The following PCDH11Y variants were observed in gnomAD, a reference collection of about 807,000 sequenced individuals.
PCDH11Y encodes the protein protocadherin 11 Y-linked.
For missense variants in PCDH11Y, 12 were observed against 224.8 expected (o/e 0.05, Z 6.05); for synonymous variants, 9 against 83.6 (o/e 0.11, Z 4.87).
intron 4 of PCDH11Y, among the ~76,000 whole-genome samples, chrY:5,712,101 C>A: frequency 9.4e-5 from 3 of 31,944 alleles, no homozygotes; most frequent in Non-Finnish European, 2.3e-4. Context: ...GAAACTTTAA[C>A]ATGTTTTAGG....
At chrY:5,697,745 C>A in intron 4 of PCDH11Y, among the ~76,000 whole-genome samples, 1 of 33,131 alleles carries the variant, frequency 3.0e-5, no homozygotes, top group Non-Finnish European at 7.4e-5. Context: ...GAATACACCA[C>A]TCTGGTGGGT....
At chrY:5,557,009 G>C in intron 3 of PCDH11Y, among the ~76,000 whole-genome samples, 1 of 33,003 alleles carries the variant, frequency 3.0e-5, no homozygotes, top group Admixed American at 2.7e-4. Flanking sequence ...TCTCTATCCT[G>C]TTTCATTAGT....
intron 1 of PCDH11Y, among the ~76,000 whole-genome samples, chrY:5,023,171 C>T (rs2052572784): frequency 3.0e-5 from 1 of 33,298 alleles, no homozygotes; most frequent in Non-Finnish European, 7.4e-5. Context: ...ATGAATTCAT[C>T]ATAGACTCCA....
chrY:5,283,535 G>T, intron 2 of PCDH11Y, among the ~76,000 whole-genome samples: 2 of 32,500 alleles, frequency 6.2e-5, no homozygotes, highest in East Asian at 1.6e-3. Context: ...TTGTTGCAGA[G>T]GTGAGGAAAT....
chrY:5,624,068 G>A, intron 4 of PCDH11Y, among the ~76,000 whole-genome samples: 1 of 32,787 alleles, frequency 3.0e-5, no homozygotes, highest in Non-Finnish European at 7.6e-5. Context: ...TAGTAATGTT[G>A]AGCAATTTTT....
chrY:5,509,381 T>A (rs2124688789), intron 3 of PCDH11Y, among the ~76,000 whole-genome samples: 1 of 28,106 alleles, frequency 3.6e-5, no homozygotes, highest in South Asian at 8.6e-4. Flanking sequence ...ACTGTAAACA[T>A]GCTGAATGAT....
intron 4 of PCDH11Y, among the ~76,000 whole-genome samples, chrY:5,588,674 T>A: frequency 3.0e-5 from 1 of 33,590 alleles, no homozygotes; most frequent in Non-Finnish European, 7.4e-5. Flanking sequence ...TCATGCCCTG[T>A]AAGGTTTCCA....
At chrY:5,546,726 T>C (rs2053413260) in intron 3 of PCDH11Y, among the ~76,000 whole-genome samples, 2 of 31,106 alleles carry the variant, frequency 6.4e-5, no homozygotes. Flanking sequence ...GTCAGTGTTA[T>C]GGGACTTGTA....
At chrY:5,296,002 C>T (rs2053074082) in intron 2 of PCDH11Y, among the ~76,000 whole-genome samples, 2 of 33,515 alleles carry the variant, frequency 6.0e-5, no homozygotes, top group Non-Finnish European at 1.5e-4. Flanking sequence ...TCTGAAACAT[C>T]ATATATCTCT....
chrY:5,373,123 C>CTTT (rs1486453545), intron 2 of PCDH11Y, among the ~76,000 whole-genome samples: 1 of 1,607 alleles, frequency 6.2e-4, no homozygotes, highest in Admixed American at 4.9e-3. Context: ...TCCCTCCCTC[C>CTTT]CTCCTTTCTT....
chrY:5,432,560 C>G (rs2124680738), intron 2 of PCDH11Y, among the ~76,000 whole-genome samples: 1 of 32,779 alleles, frequency 3.1e-5, no homozygotes, highest in South Asian at 6.8e-4. Flanking sequence ...CAGTTTTTCC[C>G]TCAAATTTTT....
In PCDH11Y at chrY:5,377,865, C is replaced by T; in HGVS notation, c.3130-123192C>T. On this transcript the variant is annotated intron_variant, in intron 2 of 4. Transcript: ENST00000400457. ...TCCCAGGTTCAAGTGCTTCTCCTGCCTCAGTCTCCCAAGTAGCTGGTATTA... is the reference window on the plus strand; with the variant it reads ...TCCCAGGTTCAAGTGCTTCTCCTGCTTCAGTCTCCCAAGTAGCTGGTATTA... 9.5e-5 allele frequency among the ~76,000 whole-genome samples: 3 copies of T among 31,710 alleles called. No individual in the cohort carries two copies. In the East Asian group the frequency reaches 2.5e-3, roughly 26 times the overall value. 85.1% of individuals were successfully genotyped at this position (31,710 alleles called of 37,273 possible).
intron 3 of PCDH11Y, among the ~76,000 whole-genome samples, chrY:5,505,370 G>T (rs2124688465): frequency 1.5e-4 from 5 of 32,543 alleles, no homozygotes; most frequent in Admixed American, 1.4e-3. Flanking sequence ...CCTCTTCATT[G>T]TATGTGATCA....
At chrY:5,043,226 A>T in intron 3 of PCDH11Y, among the ~76,000 whole-genome samples, 1 of 33,215 alleles carries the variant, frequency 3.0e-5, no homozygotes, top group Non-Finnish European at 7.4e-5. Context: ...TTGCCCATTC[A>T]GTATGATATT....
chrY:5,703,313 C>G, intron 4 of PCDH11Y, among the ~76,000 whole-genome samples: 1 of 32,112 alleles, frequency 3.1e-5, no homozygotes, highest in Non-Finnish European at 7.6e-5. Flanking sequence ...AAACCCAAAG[C>G]AAGGATAAAG....
At position 5,438,471 on chromosome Y, in the gene PCDH11Y, A is replaced by G. The variant is rs75407678; in HGVS notation, c.3130-62586A>G. On this transcript the variant is annotated intron_variant, in intron 2 of 4. Transcript: ENST00000400457. ...AAGTTAATTTGATGGTGTCCAAAGT[A>G]GTTATAAATCAATGTGGCAATCTCT... 3.6e-4 allele frequency among the ~76,000 whole-genome samples: 12 copies of G among 33,144 alleles called. No individual in the cohort carries two copies. In the East Asian group the frequency reaches 6.5e-3, roughly 18 times the overall value. The allele number at this position is 33,144 out of a possible 37,273, so 88.9% of individuals were successfully genotyped here.
chrY:5,526,712 C>A (rs2053388101), intron 3 of PCDH11Y, among the ~76,000 whole-genome samples: 1 of 28,304 alleles, frequency 3.5e-5, no homozygotes, highest in Non-Finnish European at 8.4e-5. Context: ...GTATCCATGG[C>A]TCCTCAACTC....
chrY:5,493,996 G>C, intron 2 of PCDH11Y, among the ~76,000 whole-genome samples: 1 of 33,621 alleles, frequency 3.0e-5, no homozygotes, highest in Middle Eastern at 0.014. Context: ...GTTCTTTTAG[G>C]ATAGCTGAGG....
At chrY:5,345,359 C>T in intron 2 of PCDH11Y, among the ~76,000 whole-genome samples, 1 of 33,479 alleles carries the variant, frequency 3.0e-5, no homozygotes, top group Non-Finnish European at 7.4e-5. Flanking sequence ...TCCAAAAACA[C>T]TTATCTATAG....
Sources: allele counts gnomAD v4.1 joint callset (sites outside exome capture counted in the v4.1 genomes callset), GRCh38; gene constraint gnomAD v4.1.1; transcripts MANE v1.5; gene names NCBI Gene and HGNC (gene_info 2026-07-23, HGNC 2026-07-21).